RIMKLB: variants seen among roughly 807,000 people sequenced by gnomAD.
The protein encoded by RIMKLB is ribosomal modification protein rimK like family member B.
In RIMKLB, 7 loss-of-function variants were observed where a neutral mutation model predicts 32.0. The ratio of observed to expected loss-of-function variants is 0.22; its 90% CI spans 0.12 to 0.41. RIMKLB has a LOEUF of 0.41. RIMKLB is among the 10% of genes least tolerant of loss of function. The probability of loss-of-function intolerance (pLI) is 1.00; values close to 1 mark genes in which losing one functional copy is unlikely to be tolerated. For synonymous variants in RIMKLB, 172 were observed against 185.1 expected, an observed-to-expected ratio of 0.93 and a Z score of 0.57; for missense variants, 289 against 498.7, an observed-to-expected ratio of 0.58 and a Z score of 4.00.
At chr12:8,728,456 C>A (rs1565585128) in intron 2 of RIMKLB, among the ~76,000 whole-genome samples, 1 of 152,042 alleles carries the variant, frequency 6.6e-6, no homozygotes, top group East Asian at 1.9e-4. Context: ...ACTAGTGTAT[C>A]CCAATTATTT....
chr12:8,754,200 G>A (rs756810168), intron 5 of RIMKLB, 107 bp downstream of exon 5: 16 of 782,050 alleles, frequency 2.0e-5, no homozygotes, highest in East Asian at 5.2e-5. Flanking sequence ...GTTGAAAAAC[G>A]TATTTCCTTT....
At chr12:8,778,856 CTAGT>C (rs2138391095), downstream of RIMKLB, among the ~76,000 whole-genome samples, 1 of 152,330 alleles carries the variant, frequency 6.6e-6, no homozygotes, top group South Asian at 2.1e-4. Context: ...CAGCAAGTCA[CTAGT>C]TAGTGAATAG....
At chr12:8,720,727 A>G (rs1360959646) in intron 2 of RIMKLB, among the ~76,000 whole-genome samples, 2 of 152,140 alleles carry the variant, frequency 1.3e-5, no homozygotes, top group African/African-American at 2.4e-5. Context: ...TTTGGTAGAG[A>G]TGGGGTTTCA....
chr12:8,764,183 G>A (rs1346079299), intron 5 of RIMKLB, among the ~76,000 whole-genome samples: 2 of 152,096 alleles, frequency 1.3e-5, no homozygotes, highest in Admixed American at 6.5e-5. Context: ...TCCTTGTTGG[G>A]CCTCGGGTCT....
intron 1 of RIMKLB, among the ~76,000 whole-genome samples, chr12:8,699,527 A>G (rs1013782085): frequency 6.6e-6 from 1 of 152,140 alleles, no homozygotes; most frequent in Admixed American, 6.6e-5. Flanking sequence ...TTAGTATGCA[A>G]CCCTCTAATT....
chr12:8,767,762 A>C (rs1002450943), intron 5 of RIMKLB, among the ~76,000 whole-genome samples: 3 of 152,026 alleles, frequency 2.0e-5, no homozygotes, highest in African/African-American at 7.2e-5. Context: ...CCCAATCCAG[A>C]AGGTTTGGGT....
chr12:8,671,278 T>C, the RIMKLB span, among the ~76,000 whole-genome samples: 2 of 151,934 alleles, frequency 1.3e-5, no homozygotes. Context: ...TATATGGAAT[T>C]TCGCTCTTGT....
At position 8,776,995 on chromosome 12, in the gene RIMKLB, G is replaced by T; in HGVS notation, c.*3211G>T. 1.0e-6 allele frequency: 1 copy of T among 985,720 alleles called. No homozygotes were observed. The highest frequency in any genetic ancestry group is 1.2e-6 in the Non-Finnish European group (1 of 829,900). 61.1% of individuals were successfully genotyped at this position (985,720 alleles called of 1,614,324 possible). The stretch of plus-strand genomic sequence containing the variant: ...AATCTTGTGTTATACTTTTCTCCTG[G>T]CTCACTTTTTTTGAGAAGGTTTATG... On this transcript the variant is annotated 3_prime_UTR_variant, in exon 6 of 6. Transcript: ENST00000535829.
the RIMKLB span, among the ~76,000 whole-genome samples, chr12:8,671,910 T>TCAAAACAAAA: frequency 0.021 from 3,196 of 151,546 alleles, 122 homozygotes; most frequent in African/African-American, 0.07. Context: ...AGACTCCATC[T>TCAAAACAAAA]CAAAACAAAA....
rs1950661129 is a variant in RIMKLB at position 8,775,179 on chromosome 12, G to T, written c.*1395G>T. 6.1e-6 allele frequency: 6 copies of T among 985,554 alleles called. No individual in the cohort carries two copies. The South Asian group carries it at 2.4e-4, about 39-fold the overall frequency. The allele number at this position is 985,554 out of a possible 1,614,324, so 61.1% of individuals were successfully genotyped here. A position where few individuals can be genotyped will look rare whatever the true frequency, so the allele number is the denominator to read the frequency against. On this transcript the variant is annotated 3_prime_UTR_variant, in exon 6 of 6. Coordinates refer to ENST00000535829, the MANE Select transcript of RIMKLB (RefSeq NM_001297776.2). ...CTACATGCTTTTCTTTAATGCTTCT[G>T]GCTATGCATTTTCTCTTTTTACATA...
chr12:8,756,621 C>T (rs768010671), intron 5 of RIMKLB, among the ~76,000 whole-genome samples: 4 of 149,290 alleles, frequency 2.7e-5, no homozygotes, highest in Non-Finnish European at 4.4e-5. Flanking sequence ...ATTCAGAATA[C>T]ATGATAGAGT....
chr12:8,771,113 C>CTT (rs1312762931), intron 5 of RIMKLB, among the ~76,000 whole-genome samples: 2 of 152,130 alleles, frequency 1.3e-5, no homozygotes, highest in African/African-American at 2.4e-5. Flanking sequence ...GAACCTTGCC[C>CTT]TTTTTGATAT....
chr12:8,773,635 A>G lies in RIMKLB; in HGVS notation c.1012A>G (p.Ser338Gly), dbSNP rs1950567023. Reference sequence around the variant, plus strand: ...TGAGCCGGAGCTGGGTCCCCCAGCCAGCACTGCTGTTGACAACATGAGTGC... The same window carrying G: ...TGAGCCGGAGCTGGGTCCCCCAGCCGGCACTGCTGTTGACAACATGAGTGC... Reference protein sequence around the residue: ...TSEPELGPPASTAVDNMSASS... With the variant: ...TSEPELGPPAGTAVDNMSASS... Residue 338 changes from serine (S) to glycine (G), a missense_variant, in exon 6 of 6, where the codon AGC (serine) becomes GGC (glycine). Ser to Gly is a moderately conservative substitution (Grantham distance 56). Transcript: ENST00000535829. The G allele has an allele frequency of 7.4e-6, 12 of 1,614,226 alleles. No individual in the cohort carries two copies. The highest frequency in any genetic ancestry group is 1.0e-5 in the Non-Finnish European group (12 of 1,180,032).
At chr12:8,709,928 T>C (rs1044398116) in intron 1 of RIMKLB, among the ~76,000 whole-genome samples, 1 of 152,188 alleles carries the variant, frequency 6.6e-6, no homozygotes, top group South Asian at 2.1e-4. Context: ...AATTATCCCT[T>C]GTGGATATGG....
chr12:8,729,915 G>T (rs1221615236), intron 2 of RIMKLB, among the ~76,000 whole-genome samples: 1 of 152,122 alleles, frequency 6.6e-6, no homozygotes, highest in African/African-American at 2.4e-5. Context: ...GTTTTGATTT[G>T]TGTTTCCCTA....
chr12:8,679,075 A>T (rs1942361518), upstream of RIMKLB: 1 of 155,028 alleles, frequency 6.5e-6, no homozygotes. Flanking sequence ...AGCCAGATGG[A>T]AGCATCCTGC....
chr12:8,776,685 TTG>T lies in RIMKLB; in HGVS notation c.*2902_*2903del, dbSNP rs1950745560. The T allele has an allele frequency of 5.1e-6, 5 of 984,444 alleles. No individual in the cohort carries two copies. The highest frequency in any genetic ancestry group is 6.0e-6 in the Non-Finnish European group (5 of 829,016). The allele number at this position is 984,444 out of a possible 1,614,324, so 61.0% of individuals were successfully genotyped here. On this transcript the variant is annotated 3_prime_UTR_variant, in exon 6 of 6. Transcript: ENST00000535829. ...AAATTTTTAATAGTTTTTTTCTTTTTTGGTGCCTATAATTGATTGGTCATTTC... is the reference window on the plus strand; with the variant it reads ...AAATTTTTAATAGTTTTTTTCTTTTTGTGCCTATAATTGATTGGTCATTTC...
chr12:8,673,594 G>A, the RIMKLB span, among the ~76,000 whole-genome samples: 2 of 151,442 alleles, frequency 1.3e-5, no homozygotes, highest in Admixed American at 6.6e-5. Flanking sequence ...CAACTCACTC[G>A]AGCTTCTTTT....
At chr12:8,688,838 CT>C (rs912116531) in intron 1 of RIMKLB, among the ~76,000 whole-genome samples, 51 of 146,022 alleles carry the variant, frequency 3.5e-4, no homozygotes, top group East Asian at 9.9e-4. Flanking sequence ...TTCTTTCTTT[CT>C]TTTTTTTTTT....
Sources: allele counts gnomAD v4.1 joint callset (sites outside exome capture counted in the v4.1 genomes callset), GRCh38; gene constraint gnomAD v4.1.1; transcripts MANE v1.5; gene names NCBI Gene and HGNC (gene_info 2026-07-23, HGNC 2026-07-21).